Variants in CABLES1 observed in about 807,000 individuals in gnomAD.
CABLES1 encodes CDK5 and ABL1 enzyme substrate 1.
Under a neutral mutation model 57.8 loss-of-function variants are expected in CABLES1, and 36 were observed. The observed-to-expected ratio is 0.62, with a 90% CI of 0.48 to 0.82. The LOEUF is 0.82. Ranked by LOEUF, CABLES1 falls within the 40% of genes least tolerant of loss-of-function variation. CABLES1 has a pLI of 0.00. For synonymous variants in CABLES1, 374 were observed against 363.0 expected (o/e 1.03, Z -0.35); for missense variants, 767 against 836.6 (o/e 0.92, Z 1.03).
intron 1 of CABLES1, among the ~76,000 whole-genome samples, chr18:23,157,177 C>G (rs72874939): frequency 2.0e-5 from 3 of 152,058 alleles, no homozygotes; most frequent in Admixed American, 6.6e-5. Context: ...ATCACTTGAG[C>G]GTGGGAGTTG....
chr18:23,185,379 G>A (rs1294374639), intron 1 of CABLES1, among the ~76,000 whole-genome samples: 1 of 152,188 alleles, frequency 6.6e-6, no homozygotes, highest in Non-Finnish European at 1.5e-5. Flanking sequence ...GACTGTTAAT[G>A]GGACTTCCTG....
In CABLES1 at chr18:23,168,209, C is replaced by G. The variant is rs1465822319; in HGVS notation, c.846-20629C>G. Among the ~76,000 whole-genome samples the G allele has an allele frequency of 2.0e-5, 3 of 152,232 alleles. No homozygotes were observed. The East Asian group carries it at 5.8e-4, about 29-fold the overall frequency. On this transcript the variant is annotated intron_variant, in intron 1 of 9. Transcript: ENST00000256925. ...ACAATAGCCAAAAGGTGGGAGCAGT[C>G]TAAAGTATTCACTGAGGAATGAATG...
At chr18:23,200,827 G>T (rs1472418422) in intron 3 of CABLES1, among the ~76,000 whole-genome samples, 1 of 152,238 alleles carries the variant, frequency 6.6e-6, no homozygotes, top group East Asian at 1.9e-4. Flanking sequence ...AGTGAGAAGG[G>T]CCGGGTGATT....
At chr18:23,192,776 G>A (rs1476969461) in intron 2 of CABLES1, among the ~76,000 whole-genome samples, 1 of 152,180 alleles carries the variant, frequency 6.6e-6, no homozygotes, top group Non-Finnish European at 1.5e-5. Flanking sequence ...AACTTTGAGT[G>A]GCCTGCAGAT....
In CABLES1 at chr18:23,253,990, C is replaced by T; in HGVS notation, c.1761+54C>T. 3 of 1,506,576 alleles carry T rather than the reference C, an allele frequency of 2.0e-6. No individual in the cohort carries two copies. The South Asian group carries it at 3.4e-5, about 17-fold the overall frequency. The allele number at this position is 1,506,576 out of a possible 1,614,324, so 93.3% of individuals were successfully genotyped here. A position where few individuals can be genotyped will look rare whatever the true frequency, so the allele number is the denominator to read the frequency against. The stretch of plus-strand genomic sequence containing the variant: ...GGAGCACATGCTCCGGTCCGGGGTT[C>T]CTCTCTCAGAAGGATTCGGTCAGTG... On this transcript the variant is annotated intron_variant, in intron 9 of 9. Coordinates refer to ENST00000256925, the MANE Select transcript of CABLES1 (RefSeq NM_001100619.3).
At chr18:23,151,309 T>C (rs1284555947) in intron 1 of CABLES1, among the ~76,000 whole-genome samples, 1 of 151,826 alleles carries the variant, frequency 6.6e-6, no homozygotes, top group East Asian at 1.9e-4. Context: ...TGAGCCACTG[T>C]GCCGGGCCTC....
At chr18:23,157,560 G>C (rs1223397452) in intron 1 of CABLES1, among the ~76,000 whole-genome samples, 1 of 152,186 alleles carries the variant, frequency 6.6e-6, no homozygotes, top group Non-Finnish European at 1.5e-5. Flanking sequence ...GGCTCTGAAG[G>C]CCTCTTCCTT....
chr18:23,147,189 G>A (rs958868325), intron 1 of CABLES1, among the ~76,000 whole-genome samples: 6 of 152,120 alleles, frequency 3.9e-5, no homozygotes, highest in Non-Finnish European at 5.9e-5. Flanking sequence ...AGTTCCTCCC[G>A]CAGGGAGTAA....
intron 7 of CABLES1, among the ~76,000 whole-genome samples, chr18:23,244,104 A>G (rs2047814479): frequency 6.6e-6 from 1 of 152,142 alleles, no homozygotes; most frequent in Non-Finnish European, 1.5e-5. Flanking sequence ...CTCATTCTCT[A>G]CTGCCACTGT....
At position 23,198,434 on chromosome 18, in the gene CABLES1, C is replaced by A. The variant is rs114664606; in HGVS notation, c.1010+3894C>A. On this transcript the variant is annotated intron_variant, in intron 3 of 9. Coordinates refer to ENST00000256925, the MANE Select transcript of CABLES1 (RefSeq NM_001100619.3). ...AATCCTTGAAACAGCCTGAGTAGGG[C>A]ATTACTGTCTAGTGGCAGGCAGAGT... Among the ~76,000 whole-genome samples, 930 of 152,256 alleles carry A rather than the reference C, an allele frequency of 6.1e-3. 11 individuals carry two copies. The highest frequency in any genetic ancestry group is 0.022 in the African/African-American group (897 of 41,546).
intron 1 of CABLES1, among the ~76,000 whole-genome samples, chr18:23,175,831 C>T (rs559410784): frequency 6.6e-6 from 1 of 152,264 alleles, no homozygotes; most frequent in African/African-American, 2.4e-5. Flanking sequence ...ATTTATTGAG[C>T]ACCTCCTATG....
intron 4 of CABLES1, among the ~76,000 whole-genome samples, chr18:23,230,583 G>A (rs548018884): frequency 2.0e-4 from 30 of 152,318 alleles, no homozygotes; most frequent in African/African-American, 7.0e-4. Context: ...TCACGAAGCT[G>A]TCAGTGTTCT....
At chr18:23,148,280 C>T (rs1598798439) in intron 1 of CABLES1, among the ~76,000 whole-genome samples, 2 of 152,250 alleles carry the variant, frequency 1.3e-5, no homozygotes, top group East Asian at 3.9e-4. Context: ...TGAGCCACCA[C>T]GTCTGGCCCG....
chr18:23,168,565 G>T (rs1160023350), intron 1 of CABLES1, among the ~76,000 whole-genome samples: 1 of 152,346 alleles, frequency 6.6e-6, no homozygotes, highest in East Asian at 1.9e-4. Context: ...CAATGTAAAT[G>T]CAGTCAATGC....
At chr18:23,219,205 GTC>G (rs1002084999) in intron 4 of CABLES1, 2 of 454,036 alleles carry the variant, frequency 4.4e-6, no homozygotes, top group African/African-American at 2.0e-5. Context: ...AAGAGAAAAT[GTC>G]TCTCTGTGTG....
At chr18:23,180,601 C>G (rs1188008406) in intron 1 of CABLES1, among the ~76,000 whole-genome samples, 1 of 152,146 alleles carries the variant, frequency 6.6e-6, no homozygotes, top group Non-Finnish European at 1.5e-5. Context: ...ATTGCAACCT[C>G]GACTTCCTGT....
At chr18:23,236,377 T>G (rs1450663009) in intron 6 of CABLES1, among the ~76,000 whole-genome samples, 1 of 152,018 alleles carries the variant, frequency 6.6e-6, no homozygotes, top group Admixed American at 6.5e-5. Flanking sequence ...GTCCTATATT[T>G]TCATGGTGCT....
At position 23,258,575 on chromosome 18, in the gene CABLES1, G is replaced by A. The variant is rs1403799977; in HGVS notation, c.*1208G>A. 1 of 152,216 alleles carries A rather than the reference G, an allele frequency of 6.6e-6. No individual in the cohort carries two copies. The highest frequency in any genetic ancestry group is 1.5e-5 in the Non-Finnish European group (1 of 68,052). 9.4% of individuals were successfully genotyped at this position (152,216 alleles called of 1,614,324 possible). On this transcript the variant is annotated 3_prime_UTR_variant, in exon 10 of 10. Coordinates refer to ENST00000256925, the MANE Select transcript of CABLES1 (RefSeq NM_001100619.3). Reference sequence around the variant, plus strand: ...TGTCGCCTCATAGCTGCAAGAGAGAGGCACCAGCTGAAGTTCCCCTGACTG... The same window carrying A: ...TGTCGCCTCATAGCTGCAAGAGAGAAGCACCAGCTGAAGTTCCCCTGACTG...
At chr18:23,191,678 T>C (rs1186594564) in intron 2 of CABLES1, among the ~76,000 whole-genome samples, 1 of 152,206 alleles carries the variant, frequency 6.6e-6, no homozygotes, top group African/African-American at 2.4e-5. Context: ...TAATCTTTCA[T>C]TAAATTAGTT....
Sources: allele counts gnomAD v4.1 joint callset (sites outside exome capture counted in the v4.1 genomes callset), GRCh38; gene constraint gnomAD v4.1.1; transcripts MANE v1.5; gene names NCBI Gene and HGNC (gene_info 2026-07-23, HGNC 2026-07-21).